The following ADAMTS9 variants were observed in gnomAD, a reference collection of about 807,000 sequenced individuals.
ADAMTS9 encodes the protein A disintegrin and metalloproteinase with thrombospondin motifs 9.
A neutral mutation model predicts 257.1 loss-of-function variants in ADAMTS9; 107 were observed. That is an observed-to-expected ratio of 0.42 (90% CI 0.36 to 0.49). The LOEUF (loss-of-function observed/expected upper bound fraction) is 0.49, where lower values mean the gene tolerates loss of function less well. Ranked by LOEUF, ADAMTS9 falls within the 20% of genes least tolerant of loss-of-function variation. The probability of loss-of-function intolerance (pLI) is 0.03; values close to 1 mark genes in which losing one functional copy is unlikely to be tolerated. For missense variants in ADAMTS9, 2,353 were observed against 2,469.1 expected (o/e 0.95, Z 1.00); for synonymous variants, 982 against 880.9 (o/e 1.11, Z -2.03).
At chr3:64,521,860 G>A (rs955356338) in intron 39 of ADAMTS9, among the ~76,000 whole-genome samples, 8 of 152,106 alleles carry the variant, frequency 5.3e-5, no homozygotes, top group African/African-American at 9.7e-5. Context: ...GGGTTCAAAC[G>A]AAGCCTACAT....
intron 3 of ADAMTS9, among the ~76,000 whole-genome samples, chr3:64,671,117 T>C (rs1701475147): frequency 6.6e-6 from 1 of 152,206 alleles, no homozygotes; most frequent in Non-Finnish European, 1.5e-5. Flanking sequence ...TTATTTGTAA[T>C]GGTCAAAAAC....
chr3:64,616,059 A>G lies in ADAMTS9; in HGVS notation c.2925T>C (p.Val975=), dbSNP rs768620378. ...YSRLDGKTEK[V]DDGFCSSHPK... ...GATGGCTGCTGCAAAAACCATCATCAACCTTCTCAGTCTTCCCATCCAGCC... is the reference window on the plus strand; with the variant it reads ...GATGGCTGCTGCAAAAACCATCATCGACCTTCTCAGTCTTCCCATCCAGCC... Residue 975 remains valine (V), a synonymous_variant, in exon 20 of 40, where the codon GTT becomes GTC. Transcript: ENST00000498707. 2.5e-6 allele frequency: 4 copies of G among 1,614,012 alleles called. No homozygotes were observed. The highest frequency in any genetic ancestry group is 3.4e-6 in the Non-Finnish European group (4 of 1,179,982).
chr3:64,580,186 G>C (rs1194839668), intron 28 of ADAMTS9, among the ~76,000 whole-genome samples: 3 of 152,102 alleles, frequency 2.0e-5, no homozygotes, highest in African/African-American at 7.2e-5. Flanking sequence ...ATCCAGGCCA[G>C]GTATTTTCTT....
At chr3:64,517,929 A>G (rs779743187) in intron 39 of ADAMTS9, among the ~76,000 whole-genome samples, 5 of 152,048 alleles carry the variant, frequency 3.3e-5, no homozygotes, top group Admixed American at 3.3e-4. Context: ...GAAGCTGTCA[A>G]TCGCCTGACT....
chr3:64,624,805 T>G lies in ADAMTS9; in HGVS notation c.2390-2219A>C, dbSNP rs186837926. 7.4e-3 allele frequency among the ~76,000 whole-genome samples: 1,122 copies of G among 152,366 alleles called. 3 individuals carry two copies. The highest frequency in any genetic ancestry group is 0.034 in the Middle Eastern group (10 of 292). ...AATACAAATAAATTTATTTTCATAA[T>G]TTTTGATTAATTTCTCAAGATAAAA... On this transcript the variant is annotated intron_variant, in intron 16 of 39. Coordinates refer to ENST00000498707, the MANE Select transcript of ADAMTS9 (RefSeq NM_182920.2).
intron 2 of ADAMTS9, among the ~76,000 whole-genome samples, chr3:64,683,171 C>T (rs1156617730): frequency 6.6e-6 from 1 of 152,166 alleles, no homozygotes; most frequent in Non-Finnish European, 1.5e-5. Context: ...CATATCACAA[C>T]ATGTGAAGCC....
chr3:64,594,110 T>C, intron 28 of ADAMTS9, 148 bp downstream of exon 28: 2 of 843,872 alleles, frequency 2.4e-6, no homozygotes, highest in South Asian at 4.2e-5. Flanking sequence ...TTCTATTATG[T>C]GCCAATATGG....
intron 3 of ADAMTS9, among the ~76,000 whole-genome samples, chr3:64,666,183 TA>T (rs1465486153): frequency 6.6e-6 from 1 of 152,138 alleles, no homozygotes; most frequent in East Asian, 1.9e-4. Context: ...TGCAATACAA[TA>T]AAATGCACAG....
intron 39 of ADAMTS9, 42 bp downstream of exon 39, chr3:64,522,123 AT>A: frequency 6.3e-7 from 1 of 1,580,376 alleles, no homozygotes; most frequent in East Asian, 2.2e-5. Context: ...ACAGAAAAAA[AT>A]AAAAGACAAA....
At position 64,639,293 on chromosome 3, in the gene ADAMTS9, G is replaced by GT. The variant is rs753448050; in HGVS notation, c.1856+2554dup. 7.4e-3 allele frequency among the ~76,000 whole-genome samples: 421 copies of GT among 56,898 alleles called. 4 individuals carry two copies. The highest frequency in any genetic ancestry group is 9.0e-3 in the Admixed American group (35 of 3,878). The allele number at this position is 56,898 out of a possible 152,430, so 37.3% of individuals were successfully genotyped here. On this transcript the variant is annotated intron_variant, in intron 12 of 39. Transcript: ENST00000498707. Reference sequence around the variant, plus strand: ...GTGCTGACACTCAACTAGGTGGATTGTTTTTTTTTTTTTTTTTTTAAAAAA... The same window carrying GT: ...GTGCTGACACTCAACTAGGTGGATTGTTTTTTTTTTTTTTTTTTTTAAAAAA...
rs376878446 is a variant in ADAMTS9, at chr3:64,657,011, G to A, written c.970-1136C>T. Among the ~76,000 whole-genome samples, 95 of 152,218 alleles carry A rather than the reference G, an allele frequency of 6.2e-4. 4 individuals carry two copies. The South Asian group carries it at 0.018, about 29-fold the overall frequency. ...AAAATGAGAAAGAGGAAGTCTATAC[G>A]GGCTTTTCTGGACCCATCTCGAATC... On this transcript the variant is annotated intron_variant, in intron 4 of 39. Coordinates refer to ENST00000498707, the MANE Select transcript of ADAMTS9 (RefSeq NM_182920.2).
At chr3:64,574,381 C>T (rs77875997) in intron 28 of ADAMTS9, among the ~76,000 whole-genome samples, 3,901 of 151,778 alleles carry the variant, frequency 0.026, 165 homozygotes, top group African/African-American at 0.085. Context: ...AAAGAGGTGA[C>T]GTCACTTGCC....
chr3:64,528,385 C>T lies in ADAMTS9; in HGVS notation c.5718+4781G>A, dbSNP rs994881778. 2.3e-4 allele frequency among the ~76,000 whole-genome samples: 35 copies of T among 152,174 alleles called. 1 individual carries two copies. Among genetic ancestry groups the T allele is most frequent in the Non-Finnish European group, 1.5e-5 (1 of 68,042 alleles). On this transcript the variant is annotated intron_variant, in intron 38 of 39. Transcript: ENST00000498707. ...CTGGCAGAGGAGCTTGAAATTCTGACATTTTCTTTCAGCCTTCATCTCTGG... is the reference window on the plus strand; with the variant it reads ...CTGGCAGAGGAGCTTGAAATTCTGATATTTTCTTTCAGCCTTCATCTCTGG...
At chr3:64,517,691 T>A (rs2082798234) in intron 39 of ADAMTS9, among the ~76,000 whole-genome samples, 2 of 152,086 alleles carry the variant, frequency 1.3e-5, no homozygotes, top group Non-Finnish European at 1.5e-5. Context: ...ATATTGGTAT[T>A]TTGGTATTTC....
chr3:64,551,960 C>G (rs1178996453), intron 30 of ADAMTS9, among the ~76,000 whole-genome samples: 1 of 152,194 alleles, frequency 6.6e-6, no homozygotes, highest in Non-Finnish European at 1.5e-5. Flanking sequence ...CAAATATTCA[C>G]TAAGTTCCTA....
chr3:64,564,772 T>A (rs2083501274), intron 29 of ADAMTS9, among the ~76,000 whole-genome samples: 2 of 152,022 alleles, frequency 1.3e-5, no homozygotes, highest in Admixed American at 1.3e-4. Context: ...TCACCCCCAT[T>A]TGAAAGCTTA....
chr3:64,587,807 A>G (rs1027510359), intron 28 of ADAMTS9: 1 of 152,190 alleles, frequency 6.6e-6, no homozygotes, highest in African/African-American at 2.4e-5. Context: ...CCCACTTTAG[A>G]GAAAACAACA....
At chr3:64,615,259 G>A (rs750810657) in intron 21 of ADAMTS9, 62 bp downstream of exon 21, 24 of 1,566,300 alleles carry the variant, frequency 1.5e-5, no homozygotes, top group Non-Finnish European at 2.0e-5. Flanking sequence ...TAAACAGATA[G>A]AGAGCACCAG....
At chr3:64,527,264 A>G (rs970758610) in intron 38 of ADAMTS9, among the ~76,000 whole-genome samples, 1 of 152,218 alleles carries the variant, frequency 6.6e-6, no homozygotes, top group African/African-American at 2.4e-5. Flanking sequence ...TTGAGCTATT[A>G]CATATAATTA....
Sources: gnomAD v4.1 joint callset for allele counts (sites outside exome capture counted in the v4.1 genomes callset) on GRCh38, gnomAD v4.1.1 for gene constraint, MANE v1.5 for transcripts, NCBI Gene and HGNC (gene_info 2026-07-23, HGNC 2026-07-21) for gene names.